Variants in CFAP77 observed in about 807,000 individuals in gnomAD.
The protein encoded by CFAP77 is cilia- and flagella-associated protein 77.
A neutral mutation model predicts 31.1 loss-of-function variants in CFAP77; 25 were observed. The ratio of observed to expected loss-of-function variants is 0.80; its 90% CI spans 0.59 to 1.12. CFAP77 has a LOEUF of 1.12. Ranked by LOEUF, CFAP77 falls within the 50% of genes most tolerant of loss-of-function variation. The pLI is 0.00. For synonymous variants in CFAP77, 151 were observed against 159.9 expected (o/e 0.94, Z 0.42); for missense variants, 377 against 397.3 (o/e 0.95, Z 0.44).
At chr9:132,489,547 G>A (rs561667044) in intron 1 of CFAP77, among the ~76,000 whole-genome samples, 18 of 152,324 alleles carry the variant, frequency 1.2e-4, no homozygotes, top group East Asian at 1.9e-4. Context: ...CATAGTAGGC[G>A]CTCAATAAAG....
intron 3 of CFAP77, among the ~76,000 whole-genome samples, chr9:132,533,868 G>A (rs576391750): frequency 1.7e-4 from 26 of 152,238 alleles, no homozygotes; most frequent in East Asian, 9.7e-4. Context: ...GCAACAGAGC[G>A]AGACTCTATC....
At chr9:132,410,696 C>T (rs937368972) in intron 1 of CFAP77, among the ~76,000 whole-genome samples, 2 of 152,228 alleles carry the variant, frequency 1.3e-5, no homozygotes, top group Non-Finnish European at 2.9e-5. Flanking sequence ...ACTAAAGGGA[C>T]TGATTGGGAA....
At chr9:132,531,625 TG>T (rs57104311) in intron 3 of CFAP77, among the ~76,000 whole-genome samples, 1,062 of 65,846 alleles carry the variant, frequency 0.016, 21 homozygotes, top group Middle Eastern at 0.042. Flanking sequence ...GGCTAAGACA[TG>T]GGGGGGGGGG....
At chr9:132,572,211 C>T (rs558491726) in intron 5 of CFAP77, among the ~76,000 whole-genome samples, 177 bp from the exon 6 acceptor site, 2 of 152,182 alleles carry the variant, frequency 1.3e-5, no homozygotes, top group South Asian at 4.2e-4. Context: ...GTAGCCCCTG[C>T]TCTCTGCCTC....
At chr9:132,568,505 G>A (rs11243828) in intron 5 of CFAP77, among the ~76,000 whole-genome samples, 32,836 of 143,650 alleles carry the variant, frequency 0.23, 4,561 homozygotes, top group East Asian at 0.35. Flanking sequence ...GCAGTGAGCC[G>A]AGATCACACC....
In CFAP77 at chr9:132,547,592, G is replaced by A. The variant is rs551813002; in HGVS notation, c.732+4545G>A. 6.3e-3 allele frequency among the ~76,000 whole-genome samples: 966 copies of A among 152,306 alleles called. 7 individuals carry two copies. The highest frequency in any genetic ancestry group is 0.041 in the Middle Eastern group (12 of 294). ...GACTGCCACCGTTGGGCTGCTGGCC[G>A]CTGGCTTGGGGTGACATGGACAGAC... is the stretch of plus-strand genomic sequence containing the variant. On this transcript the variant is annotated intron_variant, in intron 5 of 5. Coordinates refer to ENST00000393216, the MANE Select transcript of CFAP77 (RefSeq NM_001282957.2).
rs933496608 is a variant in CFAP77 at position 132,550,071 on chromosome 9, A to T, written c.732+7024A>T. On this transcript the variant is annotated intron_variant, in intron 5 of 5. Transcript: ENST00000393216. ...GCCAAGTTCCTAGAGCAGCACTCAG[A>T]GTCTGGGAGTGTCTGTGGTGGGGCC... Among the ~76,000 whole-genome samples the T allele has an allele frequency of 2.0e-5, 3 of 152,284 alleles. No individual in the cohort carries two copies. In the East Asian group the frequency reaches 5.8e-4, roughly 29 times the overall value.
At chr9:132,448,130 GGAA>G (rs1850760128) in intron 1 of CFAP77, among the ~76,000 whole-genome samples, 1 of 151,912 alleles carries the variant, frequency 6.6e-6, no homozygotes, top group Non-Finnish European at 1.5e-5. Context: ...ATGGGGAGAG[GGAA>G]GAAGCTCAGG....
chr9:132,416,763 G>A (rs562745713), intron 1 of CFAP77, among the ~76,000 whole-genome samples: 7 of 150,998 alleles, frequency 4.6e-5, no homozygotes, highest in East Asian at 3.9e-4. Context: ...TCAGCCACCC[G>A]AGTAGCTGGA....
chr9:132,540,811 T>A (rs1393772660), intron 4 of CFAP77, among the ~76,000 whole-genome samples: 1 of 152,052 alleles, frequency 6.6e-6, no homozygotes, highest in Non-Finnish European at 1.5e-5. Context: ...CGAATGAGGG[T>A]CGCATAACCT....
chr9:132,458,282 G>A (rs1215037825), intron 1 of CFAP77, among the ~76,000 whole-genome samples: 7 of 143,060 alleles, frequency 4.9e-5, no homozygotes, highest in African/African-American at 1.8e-4. Flanking sequence ...GCTTACGGTC[G>A]CAGCGACAAG....
intron 3 of CFAP77, among the ~76,000 whole-genome samples, chr9:132,515,143 C>A (rs967463983): frequency 1.3e-5 from 2 of 152,220 alleles, no homozygotes; most frequent in Non-Finnish European, 2.9e-5. Context: ...TCCTTGCCAC[C>A]ACCCCATCCC....
At chr9:132,451,153 A>G (rs936558100) in intron 1 of CFAP77, among the ~76,000 whole-genome samples, 3 of 152,184 alleles carry the variant, frequency 2.0e-5, no homozygotes, top group African/African-American at 4.8e-5. Flanking sequence ...CCTGGCCAAC[A>G]TGGTGAAACC....
At chr9:132,516,861 T>C (rs1852156792) in intron 3 of CFAP77, among the ~76,000 whole-genome samples, 1 of 152,082 alleles carries the variant, frequency 6.6e-6, no homozygotes, top group South Asian at 2.1e-4. Context: ...AATGTTATAA[T>C]CGCTTGTTAG....
chr9:132,549,219 C>T (rs879939), intron 5 of CFAP77, among the ~76,000 whole-genome samples: 6,704 of 152,254 alleles, frequency 0.044, 512 homozygotes, highest in African/African-American at 0.15. Flanking sequence ...AAGGCTTGTC[C>T]AGTTAAAATG....
chr9:132,481,389 A>G lies in CFAP77; in HGVS notation c.196-17306A>G, dbSNP rs996895954. ...AAGTCCTGCCCACTAAAGCTTGTGT[A>G]TTCCTATTTCTTTTCCCTTTGACTA... On this transcript the variant is annotated intron_variant, in intron 1 of 5. Coordinates refer to ENST00000393216, the MANE Select transcript of CFAP77 (RefSeq NM_001282957.2). The surrounding 1 kb of genome is among the most constrained non-coding windows in gnomAD (Gnocchi z 5.0). Among the ~76,000 whole-genome samples the G allele has an allele frequency of 4.6e-5, 7 of 151,990 alleles. No homozygotes were observed. The highest frequency in any genetic ancestry group is 1.7e-4 in the African/African-American group (7 of 41,366).
chr9:132,542,331 C>T (rs1026873847), intron 4 of CFAP77, among the ~76,000 whole-genome samples: 4 of 152,218 alleles, frequency 2.6e-5, no homozygotes, highest in Non-Finnish European at 5.9e-5. Flanking sequence ...TTGGGTCAGT[C>T]TAGAACAGAC....
chr9:132,508,040 T>G (rs1269275840), intron 3 of CFAP77, among the ~76,000 whole-genome samples: 1 of 152,194 alleles, frequency 6.6e-6, no homozygotes, highest in Non-Finnish European at 1.5e-5. Flanking sequence ...TCGCTGCATC[T>G]TCAGCGTCCA....
intron 1 of CFAP77, among the ~76,000 whole-genome samples, chr9:132,425,242 T>G (rs1015052920): frequency 6.6e-6 from 1 of 152,180 alleles, no homozygotes; most frequent in Non-Finnish European, 1.5e-5. Flanking sequence ...CTAATTCTGC[T>G]TCATTTAAAC....
Sources: allele counts gnomAD v4.1 joint callset (sites outside exome capture counted in the v4.1 genomes callset), GRCh38; gene constraint gnomAD v4.1.1; non-coding constraint Gnocchi (gnomAD v3.1); transcripts MANE v1.5; gene names NCBI Gene and HGNC (gene_info 2026-07-23, HGNC 2026-07-21).